Variants in URB1 observed in about 807,000 individuals in gnomAD.
URB1 encodes the protein URB1 ribosome biogenesis factor, also known as nucleolar pre-ribosomal-associated protein 1.
URB1 carries 197 observed loss-of-function variants against 242.3 expected under a neutral mutation model. The observed-to-expected ratio is 0.81, with a 90% CI of 0.72 to 0.91. The LOEUF is 0.91. Ranked by LOEUF, URB1 falls within the 40% of genes least tolerant of loss-of-function variation. The probability of loss-of-function intolerance (pLI) is 0.00; values close to 1 mark genes in which losing one functional copy is unlikely to be tolerated. For synonymous variants in URB1, 1,153 were observed against 1,201.8 expected (o/e 0.96, Z 0.84); for missense variants, 2,721 against 2,860.5 (o/e 0.95, Z 1.11).
intron 1 of URB1, among the ~76,000 whole-genome samples, chr21:32,389,072 A>G (rs777231591): frequency 7.2e-5 from 11 of 152,268 alleles, no homozygotes; most frequent in Non-Finnish European, 1.6e-4. Flanking sequence ...GCAAACATCA[A>G]GAGTATAATG....
chr21:32,376,585 T>C (rs928147641), intron 5 of URB1, among the ~76,000 whole-genome samples: 4 of 152,198 alleles, frequency 2.6e-5, no homozygotes, highest in African/African-American at 9.7e-5. Flanking sequence ...TATAGTTTTA[T>C]AGTTTACACC....
rs1209322309 is a variant in URB1, at chr21:32,368,487, C to T, written c.1113G>A (p.Leu371=). 38 of 1,551,726 alleles carry T rather than the reference C, an allele frequency of 2.4e-5. No homozygotes were observed. Among genetic ancestry groups the T allele is most frequent in the Non-Finnish European group, 3.2e-5 (37 of 1,147,034 alleles). The change falls in exon 9 of 39, where the codon CTG becomes CTA. Residue 371 remains leucine (L), a synonymous_variant. Coordinates refer to ENST00000382751, the MANE Select transcript of URB1 (RefSeq NM_014825.3). Reference sequence around the variant, plus strand: ...ACGTTACTTCCTTGAAGTATTTGTTCAGTAAGTCCGGGCACACTTTGAGGA... The same window carrying T: ...ACGTTACTTCCTTGAAGTATTTGTTTAGTAAGTCCGGGCACACTTTGAGGA... ...VNILKVCPDL[L]NKYFKEVTFS...
chr21:32,392,981 G>T lies in URB1; in HGVS notation c.-71C>A. The T allele has an allele frequency of 2.8e-6, 4 of 1,415,906 alleles. No individual in the cohort carries two copies. The highest frequency in any genetic ancestry group is 2.8e-6 in the Non-Finnish European group (3 of 1,084,348). The allele number at this position is 1,415,906 out of a possible 1,614,324, so 87.7% of individuals were successfully genotyped here. A position where few individuals can be genotyped will look rare whatever the true frequency, so the allele number is the denominator to read the frequency against. On this transcript the variant is annotated 5_prime_UTR_variant, in exon 1 of 39. In the 5' UTR this introduces an upstream ATG that the reference lacks. Transcript: ENST00000382751. Reference sequence around the variant, plus strand: ...CCCGGCAGGAGCACTGGCACAGACAGCAGACACGCGCTTCAGGCCCACATG... The same window carrying T: ...CCCGGCAGGAGCACTGGCACAGACATCAGACACGCGCTTCAGGCCCACATG...
rs763273362 is a variant in URB1, at chr21:32,334,301, A to T, written c.4719T>A (p.His1573Gln). Residue 1573 changes from histidine (H) to glutamine (Q), a missense_variant, in exon 29 of 39, where the codon CAT becomes CAA. Coordinates refer to ENST00000382751, the MANE Select transcript of URB1 (RefSeq NM_014825.3). ...TGCCCAGGCTCCGGCACGTCTTGTG[A>T]TGCTCCACGGCCGCTGGGCCCCACA... ...VLLWGPAAVEHHKTCRSLGRS... is the reference protein window; with the variant it reads ...VLLWGPAAVEQHKTCRSLGRS... 6.1e-5 allele frequency: 95 copies of T among 1,551,200 alleles called. 1 individual carries two copies. In the African/African-American group the frequency reaches 1.1e-3, roughly 17 times the overall value.
Position 32,355,491 on chromosome 21 carries a change from GGT to G in URB1, c.2062_2063del (p.Thr688HisfsTer32), listed in dbSNP as rs1326228683. On this transcript the variant is annotated frameshift_variant, in exon 16 of 39. Coordinates refer to ENST00000382751, the MANE Select transcript of URB1 (RefSeq NM_014825.3). LOFTEE classifies it high-confidence loss of function. ...TCACAGTCTCTTTGTCCTCTTCCAT[GGT>G]GTTCTCTAAATGCTCCAGCCAGAGC... ...LELWLEHLEN[T>X]MEEDKETVIQ... is the part of the protein sequence containing the mutation. The G allele has an allele frequency of 6.4e-7, 1 of 1,551,802 alleles. No individual in the cohort carries two copies. The highest frequency in any genetic ancestry group is 2.0e-5 in the Admixed American group (1 of 50,998).
At chr21:32,386,477 C>A (rs144924140) in intron 1 of URB1, among the ~76,000 whole-genome samples, 2 of 152,260 alleles carry the variant, frequency 1.3e-5, no homozygotes, top group East Asian at 3.9e-4. Context: ...GTTTAAGCCA[C>A]CCAGTCTATG....
At chr21:32,324,179 T>G (rs1214291501) in intron 32 of URB1, among the ~76,000 whole-genome samples, 1 of 152,120 alleles carries the variant, frequency 6.6e-6, no homozygotes, top group South Asian at 2.1e-4. Flanking sequence ...CAGTTTCCTA[T>G]AACTACAAGC....
At chr21:32,353,260 G>A (rs1159132650) in intron 18 of URB1, among the ~76,000 whole-genome samples, 1 of 152,152 alleles carries the variant, frequency 6.6e-6, no homozygotes, top group Non-Finnish European at 1.5e-5. Flanking sequence ...GGGACCACAT[G>A]CCTGGTTAGT....
chr21:32,351,574 T>G (rs1359897224), intron 19 of URB1, among the ~76,000 whole-genome samples: 1 of 152,068 alleles, frequency 6.6e-6, no homozygotes, highest in African/African-American at 2.4e-5. Flanking sequence ...TGCAGCAGCA[T>G]GTGTGAAATG....
chr21:32,345,360 C>A lies in URB1; in HGVS notation c.4070+14G>T. 6.5e-7 allele frequency: 1 copy of A among 1,549,848 alleles called. No homozygotes were observed. The highest frequency in any genetic ancestry group is 1.2e-5 in the South Asian group (1 of 83,882). On this transcript the variant is annotated intron_variant, in intron 23 of 38. Coordinates refer to ENST00000382751, the MANE Select transcript of URB1 (RefSeq NM_014825.3). Reference sequence around the variant, plus strand: ...GAGAGTGGAACATCCTGCAACCAACCTGAGCCTTCATACCTCTTGTGACTG... The same window carrying A: ...GAGAGTGGAACATCCTGCAACCAACATGAGCCTTCATACCTCTTGTGACTG...
Position 32,377,316 on chromosome 21 carries a change from C to T in URB1, c.664+1129G>A, listed in dbSNP as rs781179863. The T allele has an allele frequency of 2.2e-5, 11 of 509,218 alleles. No individual in the cohort carries two copies. The East Asian group carries it at 5.5e-4, about 25-fold the overall frequency. The allele number at this position is 509,218 out of a possible 1,614,324, so 31.5% of individuals were successfully genotyped here. On this transcript the variant is annotated intron_variant, in intron 5 of 38. Coordinates refer to ENST00000382751, the MANE Select transcript of URB1 (RefSeq NM_014825.3). ...GGGACGGGCCCATCATAAATCCAAACCCATGCATAAGCACCTTAAAAGTTT... is the reference window on the plus strand; with the variant it reads ...GGGACGGGCCCATCATAAATCCAAATCCATGCATAAGCACCTTAAAAGTTT...
Position 32,317,903 on chromosome 21 carries a change from G to C in URB1, c.5807C>G (p.Pro1936Arg). The C allele has an allele frequency of 6.4e-7, 1 of 1,551,672 alleles. No individual in the cohort carries two copies. Among genetic ancestry groups the C allele is most frequent in the Non-Finnish European group, 8.7e-7 (1 of 1,146,972 alleles). ...LMKHLRPTLA[P>R]VQLTNFFGTL... ...CCCGAAGAAGTTGGTCAGCTGGACGGGGGCCAAGGTGGGCCTGTTTGGGAG... is the reference window on the plus strand; with the variant it reads ...CCCGAAGAAGTTGGTCAGCTGGACGCGGGCCAAGGTGGGCCTGTTTGGGAG... Residue 1936 changes from proline (P) to arginine (R), a missense_variant, in exon 37 of 39, where the codon CCC (proline) becomes CGC (arginine). Physicochemically the swap from Pro to Arg is moderately radical, Grantham distance 103 (BLOSUM62 -2). Coordinates refer to ENST00000382751, the MANE Select transcript of URB1 (RefSeq NM_014825.3).
intron 33 of URB1, 38 bp downstream of exon 33, chr21:32,322,439 AG>A: frequency 6.7e-7 from 1 of 1,495,288 alleles, no homozygotes; most frequent in Non-Finnish European, 9.1e-7. Flanking sequence ...TCATCAATTC[AG>A]GGGCCTGCAG....
chr21:32,353,291 C>A (rs1220166782), intron 18 of URB1, among the ~76,000 whole-genome samples: 3 of 152,166 alleles, frequency 2.0e-5, no homozygotes, highest in African/African-American at 7.2e-5. Flanking sequence ...CCATAACACC[C>A]CTTGCTTGAC....
intron 30 of URB1, among the ~76,000 whole-genome samples, chr21:32,331,300 C>T (rs987160826): frequency 1.2e-4 from 19 of 152,172 alleles, no homozygotes; most frequent in African/African-American, 4.3e-4. Context: ...GTGCATTTTC[C>T]CTGTATACCC....
At chr21:32,377,191 G>A (rs2033468705) in intron 5 of URB1, 1 of 518,438 alleles carries the variant, frequency 1.9e-6, no homozygotes, top group Admixed American at 1.9e-5. Flanking sequence ...TTTATCTATT[G>A]TGCAACCCAC....
intron 4 of URB1, among the ~76,000 whole-genome samples, chr21:32,379,891 G>A (rs2033503617): frequency 6.6e-6 from 1 of 151,840 alleles, no homozygotes; most frequent in African/African-American, 2.4e-5. Flanking sequence ...TCGGGAGGCT[G>A]AGACTTAAGC....
At chr21:32,346,466 A>C (rs1448946057) in intron 22 of URB1, among the ~76,000 whole-genome samples, 1 of 152,226 alleles carries the variant, frequency 6.6e-6, no homozygotes, top group Non-Finnish European at 1.5e-5. Context: ...TGCATTCAAC[A>C]AAAGGGAATT....
chr21:32,358,815 C>T (rs2033252764), intron 14 of URB1, among the ~76,000 whole-genome samples: 1 of 152,138 alleles, frequency 6.6e-6, no homozygotes, highest in Admixed American at 6.5e-5. Flanking sequence ...TGGTGGCAAG[C>T]AGAGCTCTAG....
Sources: allele counts gnomAD v4.1 joint callset (sites outside exome capture counted in the v4.1 genomes callset), GRCh38; gene constraint gnomAD v4.1.1; transcripts MANE v1.5; gene names NCBI Gene and HGNC (gene_info 2026-07-23, HGNC 2026-07-21).